The following PLA2G4C variants were observed in gnomAD, a reference collection of about 807,000 sequenced individuals.
PLA2G4C encodes the protein cytosolic phospholipase A2 gamma.
In PLA2G4C, 64 loss-of-function variants were observed where a neutral mutation model predicts 73.8. The ratio of observed to expected loss-of-function variants is 0.87; its 90% CI spans 0.71 to 1.07. PLA2G4C has a LOEUF of 1.07. Ranked by LOEUF, PLA2G4C falls within the 50% of genes least tolerant of loss-of-function variation. The pLI, the probability that PLA2G4C is intolerant of heterozygous loss-of-function variation, is 0.00. For synonymous variants in PLA2G4C, 254 were observed against 252.1 expected (o/e 1.01, Z -0.07); for missense variants, 622 against 665.4 (o/e 0.93, Z 0.72).
intron 14 of PLA2G4C, among the ~76,000 whole-genome samples, chr19:48,060,203 T>C (rs1600160526): frequency 6.6e-6 from 1 of 152,286 alleles, no homozygotes; most frequent in Admixed American, 6.5e-5. Context: ...ACATAGATCC[T>C]ATTGGTTCTG....
chr19:48,054,795 C>A (rs1390373387), intron 15 of PLA2G4C, 83 bp downstream of exon 15: 1 of 1,265,512 alleles, frequency 7.9e-7, no homozygotes, highest in Non-Finnish European at 1.1e-6. Context: ...TTGTAAATTA[C>A]CCAGTCTCAG....
chr19:48,063,287 C>T (rs1968266489), intron 13 of PLA2G4C, among the ~76,000 whole-genome samples: 1 of 152,028 alleles, frequency 6.6e-6, no homozygotes, highest in Admixed American at 6.5e-5. Flanking sequence ...CGTGATCTAC[C>T]CGCTTCTGCC....
chr19:48,068,888 T>C (rs933409531), intron 12 of PLA2G4C, among the ~76,000 whole-genome samples: 1 of 151,940 alleles, frequency 6.6e-6, no homozygotes, highest in Non-Finnish European at 1.5e-5. Context: ...CACTGGCACC[T>C]TGATCTTGGA....
At chr19:48,059,985 G>C (rs1968107937) in intron 14 of PLA2G4C, among the ~76,000 whole-genome samples, 1 of 151,784 alleles carries the variant, frequency 6.6e-6, no homozygotes, top group Admixed American at 6.6e-5. Flanking sequence ...TGACCAGGCT[G>C]GTCTCGAACT....
At position 48,048,363 on chromosome 19, in the gene PLA2G4C, G is replaced by C; in HGVS notation, c.1606C>G (p.Arg536Gly). Reference protein sequence around the residue: ...AGLYYPKDSARSCCLA With the variant: ...AGLYYPKDSAGSCCLA The stretch of plus-strand genomic sequence containing the variant: ...CTCATCTATGCCAAGCAGCAACTTC[G>C]GGCACTATCCTTCGGGTAGTAGAGC... The change falls in exon 17 of 17, where the codon CGA (arginine) becomes GGA (glycine). Residue 536 changes from arginine to glycine, a missense_variant. Physicochemically the swap from Arg to Gly is moderately radical, Grantham distance 125 (BLOSUM62 -2). Transcript: ENST00000599921. 1.3e-6 allele frequency: 2 copies of C among 1,596,982 alleles called. No individual in the cohort carries two copies. The highest frequency in any genetic ancestry group is 8.5e-7 in the Non-Finnish European group (1 of 1,174,266).
chr19:48,085,724 AC>A (rs914057571), intron 9 of PLA2G4C, among the ~76,000 whole-genome samples: 1 of 151,644 alleles, frequency 6.6e-6, no homozygotes, highest in African/African-American at 2.4e-5. Flanking sequence ...TGCAGCCTAT[AC>A]TGTGACTCAA....
At chr19:48,088,441 G>A (rs567992990) in intron 9 of PLA2G4C, among the ~76,000 whole-genome samples, 14 of 151,880 alleles carry the variant, frequency 9.2e-5, no homozygotes, top group Admixed American at 7.9e-4. Context: ...CTACTCAAAT[G>A]AGAAGGAATC....
intron 13 of PLA2G4C, among the ~76,000 whole-genome samples, chr19:48,067,440 T>G (rs1285905817): frequency 1.3e-5 from 2 of 152,196 alleles, no homozygotes; most frequent in Non-Finnish European, 2.9e-5. Context: ...AGTGCTGGGA[T>G]TACAGGCATG....
chr19:48,057,480 C>CTTTTTTT lies in PLA2G4C; in HGVS notation c.1258-2432_1258-2431insAAAAAAA, dbSNP rs1260409498. Among the ~76,000 whole-genome samples the CTTTTTTT allele has an allele frequency of 6.9e-3, 194 of 28,050 alleles. 22 individuals are homozygous for CTTTTTTT. The highest frequency in any genetic ancestry group is 0.017 in the African/African-American group (151 of 8,854). The allele number at this position is 28,050 out of a possible 152,430, so 18.4% of individuals were successfully genotyped here. On this transcript the variant is annotated intron_variant, in intron 14 of 16. Coordinates refer to ENST00000599921, the MANE Select transcript of PLA2G4C (RefSeq NM_003706.3). ...GTTTCTTCTTCTTCTTCTTCTTCTT[C>CTTTTTTT]TTCTTTTTTTTTTTTTTTTTTTTTT...
chr19:48,086,821 C>T (rs1240140386), intron 9 of PLA2G4C, among the ~76,000 whole-genome samples: 1 of 152,154 alleles, frequency 6.6e-6, no homozygotes, highest in Non-Finnish European at 1.5e-5. Context: ...CTGAGTCTGT[C>T]CACATGATCA....
chr19:48,099,617 C>A, intron 5 of PLA2G4C, 54 bp downstream of exon 5: 2 of 1,344,808 alleles, frequency 1.5e-6, no homozygotes, highest in Non-Finnish European at 2.1e-6. Context: ...ACCCCACACC[C>A]TGAGACCCCT....
At chr19:48,109,657 T>G (rs1414145127) in intron 1 of PLA2G4C, among the ~76,000 whole-genome samples, 1 of 151,352 alleles carries the variant, frequency 6.6e-6, no homozygotes, top group African/African-American at 2.4e-5. Flanking sequence ...TATTTTATTT[T>G]ATTTTTTTTT....
chr19:48,089,924 G>C (rs185376650), intron 8 of PLA2G4C, among the ~76,000 whole-genome samples: 1 of 152,182 alleles, frequency 6.6e-6, no homozygotes, highest in Non-Finnish European at 1.5e-5. Flanking sequence ...GGACAAAAGC[G>C]TCTGCCTCTT....
Position 48,095,543 on chromosome 19 carries a change from G to A in PLA2G4C, c.630C>T (p.Ser210=). 6.2e-7 allele frequency: 1 copy of A among 1,614,088 alleles called. No individual in the cohort carries two copies. Among genetic ancestry groups the A allele is most frequent in the South Asian group, 1.1e-5 (1 of 91,078 alleles). ...TGAATTTGCTTCCGAAGTGGGTTAT[G>A]GAAACAAAGGCCCCCAGTGCAGAGA... The part of the protein sequence containing the change: ...AGFSALGAFV[S]ITHFGSKFKK... The change falls in exon 7 of 17, where the codon TCC becomes TCT. Residue 210 remains serine, a synonymous_variant. Transcript: ENST00000599921.
chr19:48,070,717 G>A (rs1011243084), intron 12 of PLA2G4C, among the ~76,000 whole-genome samples: 5 of 152,036 alleles, frequency 3.3e-5, no homozygotes, highest in Non-Finnish European at 7.4e-5. Context: ...CACAGGGAGG[G>A]GAACAACACA....
At chr19:48,051,868 T>C (rs1456458192) in intron 16 of PLA2G4C, 3 of 146,230 alleles carry the variant, frequency 2.1e-5, no homozygotes, top group Non-Finnish European at 4.5e-5. Flanking sequence ...AGCTTTCAGC[T>C]TAATTTTTTT....
chr19:48,073,528 C>T (rs2122544215), intron 12 of PLA2G4C, among the ~76,000 whole-genome samples: 1 of 151,954 alleles, frequency 6.6e-6, no homozygotes. Context: ...ATGCTAATGA[C>T]TCAAGACATC....
At chr19:48,104,777 G>A in intron 3 of PLA2G4C, 53 bp from the exon 4 acceptor site, 1 of 1,588,338 alleles carries the variant, frequency 6.3e-7, no homozygotes, top group Non-Finnish European at 8.6e-7. Context: ...GGATGGAGGT[G>A]GGAACAAGAA....
At chr19:48,078,366 C>T (rs1251687868) in intron 10 of PLA2G4C, among the ~76,000 whole-genome samples, 4 of 152,116 alleles carry the variant, frequency 2.6e-5, no homozygotes, top group Non-Finnish European at 4.4e-5. Flanking sequence ...GTCCTAGCCA[C>T]AGCCATCAGA....
Sources: gnomAD v4.1 joint callset for allele counts (sites outside exome capture counted in the v4.1 genomes callset) on GRCh38, gnomAD v4.1.1 for gene constraint, MANE v1.5 for transcripts, NCBI Gene and HGNC (gene_info 2026-07-23, HGNC 2026-07-21) for gene names.